MORC3: variants seen among roughly 807,000 people sequenced by gnomAD.
MORC3 encodes MORC family CW-type zinc finger protein 3.
In MORC3, 31 loss-of-function variants were observed where a neutral mutation model predicts 109.1. The ratio of observed to expected loss-of-function variants is 0.28; its 90% CI spans 0.21 to 0.38. The LOEUF (loss-of-function observed/expected upper bound fraction) is 0.38, where lower values mean the gene tolerates loss of function less well. Ranked by LOEUF, MORC3 falls within the 10% of genes least tolerant of loss-of-function variation. The probability of loss-of-function intolerance (pLI) is 1.00; values close to 1 mark genes in which losing one functional copy is unlikely to be tolerated. For synonymous variants in MORC3, 395 were observed against 380.7 expected (o/e 1.04, Z -0.44); for missense variants, 867 against 1,135.8 (o/e 0.76, Z 3.40).
Position 36,375,357 on chromosome 21 carries a change from T to A in MORC3, c.*61T>A. ...TCTTTTGGTTGTACAGCTTTCAAAATATAATTAATTTTGTTTTATAGATAT... is the reference window on the plus strand; with the variant it reads ...TCTTTTGGTTGTACAGCTTTCAAAAAATAATTAATTTTGTTTTATAGATAT... On this transcript the variant is annotated 3_prime_UTR_variant, in exon 17 of 17. Transcript: ENST00000400485. 1.4e-6 allele frequency: 2 copies of A among 1,441,076 alleles called. No homozygotes were observed. The highest frequency in any genetic ancestry group is 1.9e-6 in the Non-Finnish European group (2 of 1,059,760). 89.3% of individuals were successfully genotyped at this position (1,441,076 alleles called of 1,614,324 possible).
intron 10 of MORC3, among the ~76,000 whole-genome samples, 154 bp from the exon 11 acceptor site, chr21:36,359,801 C>T (rs750594681): frequency 2.8e-4 from 43 of 152,184 alleles, no homozygotes; most frequent in African/African-American, 9.2e-4. Flanking sequence ...AGGCATGAGC[C>T]GTCGCACCCA....
chr21:36,350,382 G>T (rs763755399), intron 9 of MORC3, among the ~76,000 whole-genome samples: 2 of 151,650 alleles, frequency 1.3e-5, no homozygotes, highest in Non-Finnish European at 2.9e-5. Flanking sequence ...CGCTTGAGCC[G>T]AGGAGTTTGA....
At chr21:36,333,558 T>A in intron 1 of MORC3, 88 bp from the exon 2 acceptor site, 3 of 1,056,958 alleles carry the variant, frequency 2.8e-6, no homozygotes, top group Non-Finnish European at 2.9e-6. Flanking sequence ...TTGGTCTCAA[T>A]GTTGTTTAAC....
chr21:36,346,448 T>G (rs1041669846), intron 8 of MORC3, among the ~76,000 whole-genome samples: 12 of 152,118 alleles, frequency 7.9e-5, no homozygotes, highest in Admixed American at 6.6e-4. Context: ...TCCTAGTGCT[T>G]CGTGTGGCTG....
chr21:36,361,984 G>T, intron 12 of MORC3, 199 bp from the exon 13 acceptor site: 1 of 634,774 alleles, frequency 1.6e-6, no homozygotes, highest in East Asian at 2.9e-5. Context: ...AGTTTATACC[G>T]GTGAGGATGG....
At chr21:36,372,755 G>A (rs1037115912) in intron 16 of MORC3, among the ~76,000 whole-genome samples, 2 of 152,176 alleles carry the variant, frequency 1.3e-5, no homozygotes, top group African/African-American at 4.8e-5. Flanking sequence ...TAGGAATTTA[G>A]AAGGGATAAA....
intron 7 of MORC3, 79 bp downstream of exon 7, chr21:36,344,786 AG>A: frequency 6.3e-7 from 1 of 1,588,158 alleles, no homozygotes; most frequent in Non-Finnish European, 8.6e-7. Flanking sequence ...ATATGCTGAT[AG>A]GGATTCTAGT....
At chr21:36,334,180 G>A (rs374012112) in intron 2 of MORC3, among the ~76,000 whole-genome samples, 1 of 152,054 alleles carries the variant, frequency 6.6e-6, no homozygotes, top group Non-Finnish European at 1.5e-5. Flanking sequence ...ACGTGAGACC[G>A]GGAAGTTGAG....
chr21:36,352,673 G>A (rs930138148), intron 9 of MORC3, among the ~76,000 whole-genome samples: 1 of 152,120 alleles, frequency 6.6e-6, no homozygotes, highest in African/African-American at 2.4e-5. Flanking sequence ...TGTACCAGTA[G>A]TTGACAATGT....
intron 8 of MORC3, among the ~76,000 whole-genome samples, chr21:36,346,387 A>G (rs574489795): frequency 6.6e-6 from 1 of 152,144 alleles, no homozygotes; most frequent in East Asian, 1.9e-4. Flanking sequence ...TTTTATCCCT[A>G]TTTTATGCAT....
chr21:36,356,347 A>G (rs1317647560), intron 9 of MORC3, among the ~76,000 whole-genome samples: 1 of 151,994 alleles, frequency 6.6e-6, no homozygotes, highest in Non-Finnish European at 1.5e-5. Context: ...CTTATTCTTA[A>G]TTTTTTGGAT....
Position 36,369,859 on chromosome 21 carries a change from G to A in MORC3, c.2491G>A (p.Asp831Asn). ...ACTGGACAAATGCAGTATTGAGAGG[G>A]ACCAGTATAAAAGTGAGGTGAGTTA... is the stretch of plus-strand genomic sequence containing the variant. Reference protein sequence around the residue: ...RQLDKCSIERDQYKSEVELLE... With the variant: ...RQLDKCSIERNQYKSEVELLE... The change falls in exon 15 of 17, where the codon GAC (aspartate) becomes AAC (asparagine). Residue 831 changes from aspartate (D) to asparagine (N), a missense_variant. Physicochemically the swap from Asp to Asn is conservative, Grantham distance 23. Around this residue, in one of 7 missense-constraint regions of MORC3, gnomAD observed 486 missense variants for 502.1 expected, o/e 0.97. Transcript: ENST00000400485. The A allele has an allele frequency of 6.2e-7, 1 of 1,612,138 alleles. No homozygotes were observed. The highest frequency in any genetic ancestry group is 8.5e-7 in the Non-Finnish European group (1 of 1,179,986).
chr21:36,373,610 C>T (rs1188965419), intron 16 of MORC3, among the ~76,000 whole-genome samples: 1 of 144,502 alleles, frequency 6.9e-6, no homozygotes, highest in East Asian at 2.0e-4. Flanking sequence ...GCAACAAGAG[C>T]AAAACTCCGT....
chr21:36,345,415 TTTTTTTG>T (rs1449658970), intron 8 of MORC3, among the ~76,000 whole-genome samples: 1 of 151,322 alleles, frequency 6.6e-6, no homozygotes, highest in Non-Finnish European at 1.5e-5. Context: ...CACGCCTGGT[TTTTTTTG>T]TTTTTTGTTT....
Position 36,320,210 on chromosome 21 carries a change from C to T in MORC3, c.-55C>T. ...CCATAGGGCTCCACAGTCGTTCCGC[C>T]ACCTCCCAGTCGGGTTGCGGCGGAG... On this transcript the variant is annotated 5_prime_UTR_variant, in exon 1 of 17. Transcript: ENST00000400485. The T allele has an allele frequency of 1.3e-6, 2 of 1,557,816 alleles. No individual in the cohort carries two copies. Among genetic ancestry groups the T allele is most frequent in the Non-Finnish European group, 1.7e-6 (2 of 1,150,742 alleles).
chr21:36,357,312 A>G (rs193229484), intron 10 of MORC3, among the ~76,000 whole-genome samples: 1 of 152,322 alleles, frequency 6.6e-6, no homozygotes, highest in Admixed American at 6.5e-5. Context: ...TACATTATAC[A>G]TATTATTCAT....
At chr21:36,320,873 C>T (rs1294141390) in intron 1 of MORC3, among the ~76,000 whole-genome samples, 1 of 152,224 alleles carries the variant, frequency 6.6e-6, no homozygotes, top group Non-Finnish European at 1.5e-5. Flanking sequence ...TCCTCTTTAT[C>T]CCGCGTTGCG....
At chr21:36,359,303 TTG>T (rs1393009492) in intron 10 of MORC3, among the ~76,000 whole-genome samples, 1 of 151,998 alleles carries the variant, frequency 6.6e-6, no homozygotes, top group Non-Finnish European at 1.5e-5. Flanking sequence ...ACCAAAATGG[TTG>T]TGTTTAATTT....
intron 9 of MORC3, among the ~76,000 whole-genome samples, chr21:36,350,113 G>A (rs2085553998): frequency 6.6e-6 from 1 of 152,068 alleles, no homozygotes; most frequent in Non-Finnish European, 1.5e-5. Context: ...TGAGACCAGC[G>A]TGGGCAACAT....
Sources: gnomAD v4.1 joint callset for allele counts (sites outside exome capture counted in the v4.1 genomes callset) on GRCh38, gnomAD v4.1.1 for gene constraint, gnomAD v4.1.1 regional missense constraint, MANE v1.5 for transcripts, NCBI Gene and HGNC (gene_info 2026-07-23, HGNC 2026-07-21) for gene names.